Variants in PHF20L1 observed in about 807,000 individuals in gnomAD.
The protein encoded by PHF20L1 is PHD finger protein 20 like 1, also known as PHD finger protein 20-like protein 1.
In PHF20L1, 44 loss-of-function variants were observed where a neutral mutation model predicts 125.5. That is an observed-to-expected ratio of 0.35 (90% CI 0.28 to 0.45). The LOEUF (loss-of-function observed/expected upper bound fraction) is 0.45, where lower values mean the gene tolerates loss of function less well. Among genes scored for constraint, PHF20L1 ranks in the 20% least tolerant of loss-of-function variants. The pLI is 1.00. For missense variants in PHF20L1, 1,012 were observed against 1,217.2 expected, an observed-to-expected ratio of 0.83 and a Z score of 2.51; for synonymous variants, 380 against 403.1, an observed-to-expected ratio of 0.94 and a Z score of 0.69.
intron 17 of PHF20L1, chr8:132,838,410 A>G (rs1289928987): frequency 6.5e-6 from 1 of 152,902 alleles, no homozygotes; most frequent in Non-Finnish European, 1.5e-5. Flanking sequence ...ACTACCTGTG[A>G]TGCCTTTATT....
intron 12 of PHF20L1, 53 bp from the exon 13 acceptor site, chr8:132,823,951 C>A: frequency 9.6e-7 from 1 of 1,043,952 alleles, no homozygotes; most frequent in South Asian, 1.4e-5. Flanking sequence ...AATATTGTCC[C>A]ATACTTTTAA....
At chr8:132,843,715 G>C (rs1456088954) in intron 19 of PHF20L1, 1 of 984,670 alleles carries the variant, frequency 1.0e-6, no homozygotes, top group Admixed American at 6.2e-5. Context: ...TACTATAACA[G>C]TAAAGTCCAG....
At chr8:132,820,241 T>A (rs78038035) in intron 12 of PHF20L1, among the ~76,000 whole-genome samples, 2,990 of 151,944 alleles carry the variant, frequency 0.02, 96 homozygotes, top group African/African-American at 0.067. Context: ...TAGATAAGGA[T>A]ACAGCCTCAG....
chr8:132,810,742 G>T, intron 8 of PHF20L1: 1 of 259,260 alleles, frequency 3.9e-6, no homozygotes, highest in African/African-American at 2.2e-5. Flanking sequence ...CCTTAATGTA[G>T]ACATTAAGAC....
chr8:132,817,084 A>C lies in PHF20L1; in HGVS notation c.1372+8A>C, dbSNP rs369146594. On this transcript the variant is annotated splice_region_variant and intron_variant, in intron 11 of 20. Transcript: ENST00000395386. ...AATCTTCAGTACCAGAGGGTAATGT[A>C]TATTGATTTCCTATAGAACCAAACA... 4 of 1,483,636 alleles carry C rather than the reference A, an allele frequency of 2.7e-6. No homozygotes were observed. Among genetic ancestry groups the C allele is most frequent in the Non-Finnish European group, 2.7e-6 (3 of 1,100,948 alleles). 91.9% of individuals were successfully genotyped at this position (1,483,636 alleles called of 1,614,324 possible).
intron 20 of PHF20L1, 53 bp downstream of exon 20, chr8:132,844,371 A>G: frequency 7.1e-7 from 1 of 1,414,926 alleles, no homozygotes; most frequent in Non-Finnish European, 9.7e-7. Context: ...TATTGTTACT[A>G]TGAAGAAGTT....
At position 132,840,074 on chromosome 8, in the gene PHF20L1, CTT is replaced by C. The variant is rs547333915; in HGVS notation, c.2387+494_2387+495del. Reference sequence around the variant, plus strand: ...CCATACAATTTTCTCTTAAACAAGTCTTTAAAGAACGTATCAGAATATTCTTG... The same window carrying C: ...CCATACAATTTTCTCTTAAACAAGTCTAAAGAACGTATCAGAATATTCTTG... On this transcript the variant is annotated intron_variant, in intron 18 of 20. Coordinates refer to ENST00000395386, the MANE Select transcript of PHF20L1 (RefSeq NM_016018.5). Among the ~76,000 whole-genome samples the C allele has an allele frequency of 1.2e-3, 176 of 152,174 alleles. 1 individual carries two copies. Among genetic ancestry groups the C allele is most frequent in the African/African-American group, 4.1e-3 (172 of 41,530 alleles).
intron 2 of PHF20L1, among the ~76,000 whole-genome samples, chr8:132,791,018 T>C (rs1586876673): frequency 6.6e-6 from 1 of 152,242 alleles, no homozygotes; most frequent in East Asian, 1.9e-4. Flanking sequence ...TGGTTTTTAA[T>C]ACTGGCTGCA....
intron 15 of PHF20L1, among the ~76,000 whole-genome samples, chr8:132,833,092 T>G (rs569267992): frequency 6.6e-6 from 1 of 152,182 alleles, no homozygotes; most frequent in Non-Finnish European, 1.5e-5. Context: ...CTGTAGACAT[T>G]GAGGGCTGTG....
At chr8:132,801,906 T>C (rs1323923569) in intron 6 of PHF20L1, among the ~76,000 whole-genome samples, 4 of 151,694 alleles carry the variant, frequency 2.6e-5, no homozygotes, top group Non-Finnish European at 4.4e-5. Context: ...ATTCTCTTTT[T>C]AGTTTTTTTC....
chr8:132,785,966 T>A (rs1830979461), intron 2 of PHF20L1, among the ~76,000 whole-genome samples: 1 of 152,054 alleles, frequency 6.6e-6, no homozygotes, highest in African/African-American at 2.4e-5. Context: ...TTTACTGAAT[T>A]TTGTTGGGTT....
At chr8:132,778,146 A>T (rs1399293342) in intron 2 of PHF20L1, among the ~76,000 whole-genome samples, 1 of 152,198 alleles carries the variant, frequency 6.6e-6, no homozygotes, top group East Asian at 1.9e-4. Flanking sequence ...TTGGTGTTTG[A>T]GAAATGAAAA....
chr8:132,782,964 C>T (rs1830604935), intron 2 of PHF20L1, among the ~76,000 whole-genome samples: 1 of 152,056 alleles, frequency 6.6e-6, no homozygotes, highest in South Asian at 2.1e-4. Flanking sequence ...AGTATCTAAT[C>T]ATTCTGAATA....
At chr8:132,813,169 C>A (rs960208877) in intron 9 of PHF20L1, 54 of 951,140 alleles carry the variant, frequency 5.7e-5, no homozygotes, top group Non-Finnish European at 6.4e-5. Context: ...TGAAGATGAA[C>A]AATAAAATTG....
At chr8:132,828,237 A>C (rs899432984) in intron 14 of PHF20L1, among the ~76,000 whole-genome samples, 1 of 152,034 alleles carries the variant, frequency 6.6e-6, no homozygotes, top group Non-Finnish European at 1.5e-5. Context: ...TGTACCCAAA[A>C]CTAAGCATTT....
At chr8:132,788,462 T>G (rs1831304677) in intron 2 of PHF20L1, among the ~76,000 whole-genome samples, 1 of 152,142 alleles carries the variant, frequency 6.6e-6, no homozygotes, top group African/African-American at 2.4e-5. Flanking sequence ...TCTCATGGTC[T>G]TTAGGGCATT....
rs1837827272 is a variant in PHF20L1, at chr8:132,840,541, A to C, written c.2387+959A>C. 2.0e-5 allele frequency among the ~76,000 whole-genome samples: 3 copies of C among 152,088 alleles called. 1 individual carries two copies. Among genetic ancestry groups the C allele is most frequent in the South Asian group, 4.2e-4 (2 of 4,818 alleles). The stretch of plus-strand genomic sequence containing the variant: ...GTACTAGAGCATCTTCCTGTTGCCC[A>C]ATGGACTGAGTCCTTCCATGACACA... On this transcript the variant is annotated intron_variant, in intron 18 of 20. Coordinates refer to ENST00000395386, the MANE Select transcript of PHF20L1 (RefSeq NM_016018.5).
At chr8:132,839,326 A>G in intron 17 of PHF20L1, 61 bp from the exon 18 acceptor site, 1 of 1,272,712 alleles carries the variant, frequency 7.9e-7, no homozygotes, top group Non-Finnish European at 1.1e-6. Context: ...GTAGGTTAGC[A>G]GTTGATGAAA....
At chr8:132,795,520 A>C (rs542745192) in intron 4 of PHF20L1, among the ~76,000 whole-genome samples, 1 of 152,296 alleles carries the variant, frequency 6.6e-6, no homozygotes, top group East Asian at 1.9e-4. Flanking sequence ...AGAATTAATA[A>C]TTAAATTATT....
Sources: allele counts gnomAD v4.1 joint callset (sites outside exome capture counted in the v4.1 genomes callset), GRCh38; gene constraint gnomAD v4.1.1; transcripts MANE v1.5; gene names NCBI Gene and HGNC (gene_info 2026-07-23, HGNC 2026-07-21).